Variants in SCHIP1 observed in about 807,000 individuals in gnomAD.
The protein encoded by SCHIP1 is schwannomin interacting protein 1, also known as schwannomin-interacting protein 1.
SCHIP1 carries 8 observed loss-of-function variants against 29.7 expected under a neutral mutation model. The observed-to-expected ratio is 0.27, with a 90% CI of 0.16 to 0.49. SCHIP1 has a LOEUF of 0.49. Among genes scored for constraint, SCHIP1 ranks in the 20% least tolerant of loss-of-function variants. The pLI is 0.99. For missense variants in SCHIP1, 193 were observed against 294.6 expected, an observed-to-expected ratio of 0.66 and a Z score of 2.52; for synonymous variants, 76 against 94.9, an observed-to-expected ratio of 0.80 and a Z score of 1.16.
the SCHIP1 span, among the ~76,000 whole-genome samples, chr3:159,494,276 G>A: frequency 1.3e-5 from 2 of 152,244 alleles, no homozygotes; most frequent in African/African-American, 4.8e-5. Context: ...AGGAAATAGA[G>A]ACACAAAAAA....
At chr3:159,420,358 C>A in the SCHIP1 span, among the ~76,000 whole-genome samples, 1 of 152,086 alleles carries the variant, frequency 6.6e-6, no homozygotes, top group Admixed American at 6.5e-5. Context: ...AACAATGGAG[C>A]AGTGGGGAAA....
chr3:159,553,967 CGTGTGTGTGTGTGTGTGT>C, the SCHIP1 span, among the ~76,000 whole-genome samples: 1,095 of 115,810 alleles, frequency 9.5e-3, 12 homozygotes, highest in African/African-American at 0.031. Context: ...CGCCCAGCTA[CGTGTGTGTGTGTGTGTGT>C]GTGTGTGTGT....
chr3:159,598,192 CT>C, the SCHIP1 span, among the ~76,000 whole-genome samples: 271 of 152,274 alleles, frequency 1.8e-3, no homozygotes, highest in African/African-American at 6.3e-3. Context: ...TATTCTGCCC[CT>C]GGCCTCTCCC....
the SCHIP1 span, among the ~76,000 whole-genome samples, chr3:159,388,949 T>G: frequency 3.2e-4 from 48 of 152,060 alleles, no homozygotes; most frequent in Non-Finnish European, 1.5e-5. Flanking sequence ...TATTAAAGCA[T>G]TAGAAAATAT....
chr3:159,351,909 C>T, the SCHIP1 span, among the ~76,000 whole-genome samples: 1 of 152,114 alleles, frequency 6.6e-6, no homozygotes, highest in Admixed American at 6.5e-5. Flanking sequence ...TTATCCCTAC[C>T]AATGTGGAAA....
the SCHIP1 span, among the ~76,000 whole-genome samples, chr3:159,654,713 A>G: frequency 1.3e-5 from 2 of 151,316 alleles, no homozygotes; most frequent in Non-Finnish European, 2.9e-5. Context: ...AATTGGGGTC[A>G]GCATGGATGG....
the SCHIP1 span, among the ~76,000 whole-genome samples, chr3:159,305,052 C>T: frequency 6.6e-6 from 1 of 152,126 alleles, no homozygotes; most frequent in South Asian, 2.1e-4. Flanking sequence ...CCCAGCTTTT[C>T]CCTCTTATGC....
the SCHIP1 span, among the ~76,000 whole-genome samples, chr3:159,341,094 C>T: frequency 6.6e-6 from 1 of 152,124 alleles, no homozygotes; most frequent in African/African-American, 2.4e-5. Context: ...TATCTGCCTG[C>T]TTACGGCCCA....
chr3:159,289,219 G>A, the SCHIP1 span, among the ~76,000 whole-genome samples: 1 of 152,172 alleles, frequency 6.6e-6, no homozygotes, highest in Non-Finnish European at 1.5e-5. Flanking sequence ...AAAGCACCCA[G>A]TGTGAACTTA....
the SCHIP1 span, among the ~76,000 whole-genome samples, chr3:159,710,827 A>G: frequency 5.5e-3 from 833 of 152,332 alleles, 13 homozygotes; most frequent in African/African-American, 0.019. Context: ...GATAGTAACC[A>G]TGAGACCCAG....
chr3:159,888,737 C>T, intron 4 of SCHIP1, 83 bp from the exon 6 acceptor site: 2 of 1,552,854 alleles, frequency 1.3e-6, no homozygotes, highest in Non-Finnish European at 1.7e-6. Flanking sequence ...GTGAGTGGGT[C>T]TTTTAAGAGA....
chr3:159,415,653 A>G, the SCHIP1 span, among the ~76,000 whole-genome samples: 1 of 152,168 alleles, frequency 6.6e-6, no homozygotes, highest in Admixed American at 6.5e-5. Flanking sequence ...GTAGTATTCC[A>G]TGGTGAATAT....
the SCHIP1 span, among the ~76,000 whole-genome samples, chr3:159,445,567 C>T: frequency 6.6e-6 from 1 of 152,110 alleles, no homozygotes; most frequent in South Asian, 2.1e-4. Context: ...GCTATAAAGA[C>T]ACATGTACAC....
At chr3:159,825,659 C>G in the SCHIP1 span, among the ~76,000 whole-genome samples, 1 of 152,196 alleles carries the variant, frequency 6.6e-6, no homozygotes, top group Non-Finnish European at 1.5e-5. Context: ...ATGCCTGGCA[C>G]TGTGCCAGAT....
the SCHIP1 span, among the ~76,000 whole-genome samples, chr3:159,399,796 C>T: frequency 6.6e-6 from 1 of 152,126 alleles, no homozygotes; most frequent in African/African-American, 2.4e-5. Flanking sequence ...ATTTCTTCAG[C>T]CTCCTGGGTA....
Position 159,888,808 on chromosome 3 carries a change from T to G in SCHIP1, c.466-12T>G. The G allele has an allele frequency of 1.2e-6, 2 of 1,613,432 alleles. No homozygotes were observed. Among genetic ancestry groups the G allele is most frequent in the Non-Finnish European group, 8.5e-7 (1 of 1,179,758 alleles). On this transcript the variant is annotated splice_polypyrimidine_tract_variant and intron_variant, in intron 4 of 6. Transcript: ENST00000445224. ...TGTTCACTCCTCCATTTCTTCTCCT[T>G]TGTATCTTCAGCTGCCACACATGCC...
At chr3:159,705,951 C>T in the SCHIP1 span, among the ~76,000 whole-genome samples, 8 of 152,140 alleles carry the variant, frequency 5.3e-5, no homozygotes, top group South Asian at 2.1e-4. Context: ...ATGATCCACC[C>T]GCCTCGGCCT....
At chr3:159,590,432 C>T in the SCHIP1 span, among the ~76,000 whole-genome samples, 8 of 151,986 alleles carry the variant, frequency 5.3e-5, no homozygotes, top group African/African-American at 1.2e-4. Context: ...AAAAATTAGC[C>T]GGGCACAGTG....
At chr3:159,853,758 A>T (rs1712970591) in intron 1 of SCHIP1, among the ~76,000 whole-genome samples, 2 of 152,264 alleles carry the variant, frequency 1.3e-5, no homozygotes, top group South Asian at 2.1e-4. Context: ...GGAATTTTTT[A>T]AAAATTATTG....
Sources: gnomAD v4.1 joint callset for allele counts (sites outside exome capture counted in the v4.1 genomes callset) on GRCh38, gnomAD v4.1.1 for gene constraint, MANE v1.5 for transcripts, NCBI Gene and HGNC (gene_info 2026-07-23, HGNC 2026-07-21) for gene names.